The following IVD variants were observed in gnomAD, a reference collection of about 807,000 sequenced individuals.
IVD encodes isovaleryl-CoA dehydrogenase, mitochondrial.
Under a neutral mutation model 51.3 loss-of-function variants are expected in IVD, and 31 were observed. The ratio of observed to expected loss-of-function variants is 0.60; its 90% CI spans 0.45 to 0.81. The LOEUF (loss-of-function observed/expected upper bound fraction) is 0.81, where lower values mean the gene tolerates loss of function less well. Among genes scored for constraint, IVD ranks in the 40% least tolerant of loss-of-function variants. IVD has a pLI of 0.00. For synonymous variants in IVD, 205 were observed against 219.4 expected (o/e 0.93, Z 0.58); for missense variants, 475 against 552.0 (o/e 0.86, Z 1.40).
rs150682291 is a variant in IVD at position 40,411,137 on chromosome 15, C to T, written c.457-123C>T. On this transcript the variant is annotated intron_variant, in intron 4 of 11. Transcript: ENST00000487418. ...TTAGAAGAGACTTCTAGGACTTTACCGACACCCTGGTCTGAGAGCGAAGTT... is the reference window on the plus strand; with the variant it reads ...TTAGAAGAGACTTCTAGGACTTTACTGACACCCTGGTCTGAGAGCGAAGTT... 3.4e-4 allele frequency: 326 copies of T among 963,146 alleles called. 1 individual carries two copies. In the African/African-American group the frequency reaches 4.6e-3, roughly 13 times the overall value. 59.7% of individuals were successfully genotyped at this position (963,146 alleles called of 1,614,324 possible).
intron 1 of IVD, chr15:40,406,449 C>A: frequency 1.3e-6 from 1 of 782,602 alleles, no homozygotes; most frequent in Non-Finnish European, 1.9e-6. Context: ...GCTCTCCTGT[C>A]GCTCTTCAGC....
chr15:40,410,026 C>T (rs1266217524), intron 3 of IVD, among the ~76,000 whole-genome samples: 10 of 152,054 alleles, frequency 6.6e-5, no homozygotes, highest in South Asian at 2.1e-4. Context: ...TTAGTAGAGA[C>T]GGGGTTTCAC....
Position 40,420,840 on chromosome 15 carries a change from G to A in IVD, c.*2577G>A. ...TTGGGCCGCACTGTACAGCAGTCTG[G>A]ATAGAGTGTGATCTGAGAAGGGAAT... On this transcript the variant is annotated 3_prime_UTR_variant, in exon 12 of 12. Transcript: ENST00000487418. 1.0e-6 allele frequency: 1 copy of A among 985,534 alleles called. No homozygotes were observed. The highest frequency in any genetic ancestry group is 1.2e-6 in the Non-Finnish European group (1 of 829,978). 61.0% of individuals were successfully genotyped at this position (985,534 alleles called of 1,614,324 possible).
chr15:40,415,013 C>T, intron 8 of IVD, 31 bp downstream of exon 8: 1 of 1,610,910 alleles, frequency 6.2e-7, no homozygotes, highest in Non-Finnish European at 8.5e-7. Flanking sequence ...GGAAGCTGGG[C>T]TCTGTCGGCC....
At chr15:40,415,883 T>C (rs1024259890) in intron 9 of IVD, among the ~76,000 whole-genome samples, 195 bp from the exon 10 acceptor site, 11 of 152,240 alleles carry the variant, frequency 7.2e-5, no homozygotes, top group African/African-American at 1.2e-4. Context: ...CGGGGTGTCA[T>C]GCGGGCTGTG....
In IVD at chr15:40,414,883, TG is replaced by T; in HGVS notation, c.785-4del. ...CTCTCCCTCTGACCAGCACTTATCC[TG>T]GCAGCTGCCAACATCCTGGGCCATG... On this transcript the variant is annotated splice_region_variant and splice_polypyrimidine_tract_variant and intron_variant, in intron 7 of 11. Transcript: ENST00000487418. The T allele has an allele frequency of 6.2e-7, 1 of 1,614,096 alleles. No homozygotes were observed.
Position 40,420,327 on chromosome 15 carries a change from T to A in IVD, c.*2064T>A. On this transcript the variant is annotated 3_prime_UTR_variant, in exon 12 of 12. Transcript: ENST00000487418. ...CAGGCCCTACCCGAGCAGGCCGGAG[T>A]TGGCTCGCATGACTCCAGCTGAGGC... The A allele has an allele frequency of 2.0e-6, 2 of 987,592 alleles. No homozygotes were observed. The highest frequency in any genetic ancestry group is 2.4e-6 in the Non-Finnish European group (2 of 830,120). The allele number at this position is 987,592 out of a possible 1,614,324, so 61.2% of individuals were successfully genotyped here.
chr15:40,429,347 C>T (rs1227543050), downstream of IVD, among the ~76,000 whole-genome samples: 1 of 152,212 alleles, frequency 6.6e-6, no homozygotes, highest in Non-Finnish European at 1.5e-5. Context: ...ACTGTTATGT[C>T]CCAGGGTGCC....
At chr15:40,408,050 C>A in intron 3 of IVD, 60 bp downstream of exon 3, 2 of 1,483,958 alleles carry the variant, frequency 1.3e-6, no homozygotes, top group South Asian at 1.1e-5. Flanking sequence ...AGACAGTTCC[C>A]AAAAGAAGCA....
At chr15:40,408,104 A>G (rs1400468482) in intron 3 of IVD, 114 bp downstream of exon 3, 4 of 959,880 alleles carry the variant, frequency 4.2e-6, no homozygotes, top group Admixed American at 1.9e-5. Flanking sequence ...CCAGAACTGC[A>G]TCTTTTGGAC....
In IVD at chr15:40,405,823, C is replaced by T. The variant is rs753336827; in HGVS notation, c.-5C>T. 2 of 1,611,596 alleles carry T rather than the reference C, an allele frequency of 1.2e-6. No individual in the cohort carries two copies. The highest frequency in any genetic ancestry group is 1.1e-5 in the South Asian group (1 of 90,950). ...TTCAGCGCTGGCTCTTCGTGCATGG[C>T]AGAGATGGCGACTGCGACTCGGCTG... On this transcript the variant is annotated 5_prime_UTR_variant, in exon 1 of 12. Transcript: ENST00000487418.
downstream of IVD, among the ~76,000 whole-genome samples, chr15:40,422,779 T>TTTTTTTTTTTTTTTTTTTTTTG (rs1555406296): frequency 1.4e-5 from 2 of 141,092 alleles, no homozygotes; most frequent in Non-Finnish European, 3.1e-5. Context: ...TTTGTATTTT[T>TTTTTTTTTTTTTTTTTTTTTTG]AGTAGAGACG....
At chr15:40,415,331 C>G (rs1891541868) in intron 8 of IVD, 70 bp from the exon 9 acceptor site, 3 of 1,348,406 alleles carry the variant, frequency 2.2e-6, no homozygotes, top group Non-Finnish European at 3.2e-6. Context: ...CCTTCCCACG[C>G]TAGCATTTTG....
intron 11 of IVD, among the ~76,000 whole-genome samples, chr15:40,417,114 GA>G (rs1329769387): frequency 6.6e-6 from 1 of 150,580 alleles, no homozygotes; most frequent in Non-Finnish European, 1.5e-5. Flanking sequence ...TGAGGCTGGA[GA>G]ATCTCTTGAA....
intron 2 of IVD, 36 bp from the exon 3 acceptor site, chr15:40,407,903 C>G: frequency 6.2e-7 from 1 of 1,611,842 alleles, no homozygotes; most frequent in Non-Finnish European, 8.5e-7. Flanking sequence ...GCCTTCCCCT[C>G]AACACTTATT....
Position 40,418,445 on chromosome 15 carries a change from C to G in IVD, c.*182C>G, listed in dbSNP as rs1026134981. 1 of 1,493,882 alleles carries G rather than the reference C, an allele frequency of 6.7e-7. No individual in the cohort carries two copies. Among genetic ancestry groups the G allele is most frequent in the Non-Finnish European group, 8.9e-7 (1 of 1,124,700 alleles). 92.5% of individuals were successfully genotyped at this position (1,493,882 alleles called of 1,614,324 possible). The stretch of plus-strand genomic sequence containing the variant: ...TCCCAAGCATCATGGGCCTCGCAGC[C>G]GGGCCTGTGCCACGGCTAGTGTTGT... On this transcript the variant is annotated 3_prime_UTR_variant, in exon 12 of 12. Transcript: ENST00000487418.
Position 40,420,181 on chromosome 15 carries a change from G to C in IVD, c.*1918G>C. 1.0e-6 allele frequency: 1 copy of C among 985,836 alleles called. No homozygotes were observed. The highest frequency in any genetic ancestry group is 1.2e-6 in the Non-Finnish European group (1 of 830,138). 61.1% of individuals were successfully genotyped at this position (985,836 alleles called of 1,614,324 possible). On this transcript the variant is annotated 3_prime_UTR_variant, in exon 12 of 12. Transcript: ENST00000487418. ...GCAGAGCAGAGGACAGCGTGCTTTT[G>C]TGTACTGTTGGAAGACTGGCTCCTC...
At chr15:40,424,883 G>A (rs557525346), downstream of IVD, among the ~76,000 whole-genome samples, 2 of 152,344 alleles carry the variant, frequency 1.3e-5, no homozygotes, top group East Asian at 3.9e-4. Context: ...TGCTGAATGA[G>A]TGAAATGACA....
At chr15:40,406,451 C>A in intron 1 of IVD, 1 of 769,988 alleles carries the variant, frequency 1.3e-6, no homozygotes, top group Non-Finnish European at 1.9e-6. Context: ...TCTCCTGTCG[C>A]TCTTCAGCCC....
Sources: allele counts gnomAD v4.1 joint callset (sites outside exome capture counted in the v4.1 genomes callset), GRCh38; gene constraint gnomAD v4.1.1; transcripts MANE v1.5; gene names NCBI Gene and HGNC (gene_info 2026-07-23, HGNC 2026-07-21).